BLOC1S3: variants seen among roughly 807,000 people sequenced by gnomAD.
The protein encoded by BLOC1S3 is biogenesis of lysosomal organelles complex 1 subunit 3, also known as biogenesis of lysosome-related organelles complex 1 subunit 3.
BLOC1S3 carries 7 observed loss-of-function variants against 9.1 expected under a neutral mutation model. That is an observed-to-expected ratio of 0.77 (90% CI 0.44 to 1.45). BLOC1S3 has a LOEUF of 1.45. BLOC1S3 is among the 40% of genes most tolerant of loss of function. The probability of loss-of-function intolerance (pLI) is 0.01; values close to 1 mark genes in which losing one functional copy is unlikely to be tolerated. For synonymous variants in BLOC1S3, 145 were observed against 158.4 expected (o/e 0.92, Z 0.64); for missense variants, 307 against 315.2 (o/e 0.97, Z 0.20).
At position 45,180,148 on chromosome 19, in the gene BLOC1S3, C is replaced by A; in HGVS notation, c.*243C>A. On this transcript the variant is annotated 3_prime_UTR_variant, in exon 2 of 2. Coordinates refer to ENST00000433642, the MANE Select transcript of BLOC1S3 (RefSeq NM_212550.5). ...TCCTCTCCCGATCCTGACCCTGCCGCCTGGTTCTGAGCCTTCCCCTGGGGC... is the reference window on the plus strand; with the variant it reads ...TCCTCTCCCGATCCTGACCCTGCCGACTGGTTCTGAGCCTTCCCCTGGGGC... 1 of 450,624 alleles carries A rather than the reference C, an allele frequency of 2.2e-6. No homozygotes were observed. Among genetic ancestry groups the A allele is most frequent in the South Asian group, 4.8e-5 (1 of 21,014 alleles). The allele number at this position is 450,624 out of a possible 1,614,324, so 27.9% of individuals were successfully genotyped here. A position where few individuals can be genotyped will look rare whatever the true frequency, so the allele number is the denominator to read the frequency against.
At chr19:45,206,130 C>T (rs970933135) in intron 3 of BLOC1S3, among the ~76,000 whole-genome samples, 1 of 151,954 alleles carries the variant, frequency 6.6e-6, no homozygotes, top group Non-Finnish European at 1.5e-5. Flanking sequence ...GGTGGATCAC[C>T]TGAGGTCGGC....
intron 3 of BLOC1S3, among the ~76,000 whole-genome samples, chr19:45,213,719 C>G (rs994271638): frequency 6.6e-6 from 1 of 151,610 alleles, no homozygotes; most frequent in Non-Finnish European, 1.5e-5. Flanking sequence ...CCAAGGCAGG[C>G]GGATCACCTG....
Position 45,211,510 on chromosome 19 carries a change from GAAAAA to G in BLOC1S3, n.283-5154_283-5150del, listed in dbSNP as rs576231552. 6.4e-5 allele frequency among the ~76,000 whole-genome samples: 7 copies of G among 109,564 alleles called. No homozygotes were observed. The East Asian group carries it at 1.9e-3, about 29-fold the overall frequency. 71.9% of individuals were successfully genotyped at this position (109,564 alleles called of 152,430 possible). On this transcript the variant is annotated intron_variant and non_coding_transcript_variant, in intron 3 of 3. Transcript: ENST00000591569. ...TGGGCGACAGAATGAGACTCTGACT[GAAAAA>G]AAAAAAAAAAAGAAAATGTCATTTT...
chr19:45,189,427 CTTTTT>C (rs35692205), intron 2 of BLOC1S3, among the ~76,000 whole-genome samples: 1 of 138,702 alleles, frequency 7.2e-6, no homozygotes, highest in Non-Finnish European at 1.6e-5. Flanking sequence ...AGGTAGTCTT[CTTTTT>C]TTTTTTTTTC....
rs562085964 is a variant in BLOC1S3, at chr19:45,181,251, A to G, written c.*1346A>G. ...TGATCCTGGGGTCTGGGGACTCCCC[A>G]TGGTTTCCTTCCTTCTGCAGGCCCA... On this transcript the variant is annotated 3_prime_UTR_variant, in exon 2 of 2. Transcript: ENST00000433642. 1 of 167,236 alleles carries G rather than the reference A, an allele frequency of 6.0e-6. No individual in the cohort carries two copies. The highest frequency in any genetic ancestry group is 1.9e-4 in the East Asian group (1 of 5,176). The allele number at this position is 167,236 out of a possible 1,614,324, so 10.4% of individuals were successfully genotyped here. A position where few individuals can be genotyped will look rare whatever the true frequency, so the allele number is the denominator to read the frequency against.
chr19:45,214,882 G>A (rs997957651), intron 3 of BLOC1S3, among the ~76,000 whole-genome samples: 15 of 152,020 alleles, frequency 9.9e-5, no homozygotes, highest in Non-Finnish European at 2.1e-4. Context: ...TAGGCCAAGC[G>A]CAGTGGCTCA....
At chr19:45,204,198 T>C (rs1047243767) in intron 3 of BLOC1S3, among the ~76,000 whole-genome samples, 1 of 150,468 alleles carries the variant, frequency 6.6e-6, no homozygotes, top group Non-Finnish European at 1.5e-5. Flanking sequence ...TTTTTTTTTT[T>C]TTTTTCTGAG....
At chr19:45,191,976 G>A (rs562035877) in intron 2 of BLOC1S3, among the ~76,000 whole-genome samples, 2 of 152,314 alleles carry the variant, frequency 1.3e-5, no homozygotes, top group Admixed American at 1.3e-4. Context: ...AGGAGCAGAC[G>A]GCAAATCCAG....
chr19:45,215,481 GA>G (rs751130338), intron 3 of BLOC1S3, among the ~76,000 whole-genome samples: 2 of 151,664 alleles, frequency 1.3e-5, no homozygotes, highest in African/African-American at 4.8e-5. Flanking sequence ...AAAAAAAAAA[GA>G]AAAAAAGTTG....
Position 45,179,705 on chromosome 19 carries a change from C to T in BLOC1S3, c.409C>T (p.Arg137Cys). The T allele has an allele frequency of 6.9e-7, 1 of 1,459,352 alleles. No homozygotes were observed. Among genetic ancestry groups the T allele is most frequent in the South Asian group, 1.3e-5 (1 of 75,296 alleles). 90.4% of individuals were successfully genotyped at this position (1,459,352 alleles called of 1,614,324 possible). Residue 137 changes from arginine (R) to cysteine (C), a missense_variant, in exon 2 of 2, where the codon CGC becomes TGC. Coordinates refer to ENST00000433642, the MANE Select transcript of BLOC1S3 (RefSeq NM_212550.5). The surrounding 1 kb of genome is among the most constrained non-coding windows in gnomAD (Gnocchi z 4.6). ...AVSGVYRRAGRDVAALASRLA... is the reference protein window; with the variant it reads ...AVSGVYRRAGCDVAALASRLA... The stretch of plus-strand genomic sequence containing the variant: ...GAGCGGTGTCTACCGCCGTGCAGGC[C>T]GCGACGTGGCCGCCCTGGCTAGTAG...
At chr19:45,192,522 T>G (rs142392232) in intron 2 of BLOC1S3, among the ~76,000 whole-genome samples, 1 of 152,182 alleles carries the variant, frequency 6.6e-6, no homozygotes. Flanking sequence ...CGTCAGGGAA[T>G]ATGCTGGGTC....
At chr19:45,207,972 A>G (rs1044909183) in intron 3 of BLOC1S3, among the ~76,000 whole-genome samples, 5 of 151,138 alleles carry the variant, frequency 3.3e-5, no homozygotes, top group African/African-American at 1.2e-4. Context: ...CAAGACCACC[A>G]TGTACTTTTT....
chr19:45,198,004 A>G (rs10406257), intron 2 of BLOC1S3, among the ~76,000 whole-genome samples: 95,391 of 151,714 alleles, frequency 0.63, 30,363 homozygotes, highest in African/African-American at 0.67. Context: ...TCTGCATCTG[A>G]TGTTGAGCCC....
Position 45,190,557 on chromosome 19 carries a change from G to A in BLOC1S3, n.180+2817G>A, listed in dbSNP as rs114644465. 9.5e-3 allele frequency among the ~76,000 whole-genome samples: 1,349 copies of A among 141,916 alleles called. 22 individuals carry two copies. The highest frequency in any genetic ancestry group is 0.032 in the African/African-American group (1,289 of 40,508). 93.1% of individuals were successfully genotyped at this position (141,916 alleles called of 152,430 possible). On this transcript the variant is annotated intron_variant and non_coding_transcript_variant, in intron 2 of 3. Coordinates refer to the BLOC1S3 transcript ENST00000591569. ...TGGGACCACAGGTGCACACTACCATGCCTGGCCAATTTTTGTATTTTTTTT... is the reference window on the plus strand; with the variant it reads ...TGGGACCACAGGTGCACACTACCATACCTGGCCAATTTTTGTATTTTTTTT...
chr19:45,215,049 G>A (rs779155195), intron 3 of BLOC1S3, among the ~76,000 whole-genome samples: 10 of 152,100 alleles, frequency 6.6e-5, no homozygotes, highest in Non-Finnish European at 1.5e-4. Flanking sequence ...GGGAGGCTGA[G>A]GCACAATAAT....
intron 2 of BLOC1S3, among the ~76,000 whole-genome samples, chr19:45,191,462 TG>T (rs1399483361): frequency 2.0e-5 from 3 of 152,212 alleles, no homozygotes. Flanking sequence ...TTTTCCTGGA[TG>T]GTTTTGTTAC....
chr19:45,187,197 G>C (rs963283455), upstream of BLOC1S3: 2 of 152,394 alleles, frequency 1.3e-5, no homozygotes, highest in African/African-American at 4.8e-5. Context: ...CCAGCCAAGA[G>C]CAGAATCTAG....
intron 3 of BLOC1S3, among the ~76,000 whole-genome samples, chr19:45,207,579 A>C (rs867673819): frequency 2.3e-4 from 34 of 148,924 alleles, no homozygotes; most frequent in South Asian, 4.3e-4. Flanking sequence ...AAAAAAAAAA[A>C]AAAAAAACCT....
At chr19:45,195,586 T>TCTCCCTTC (rs1969642171) in intron 2 of BLOC1S3, among the ~76,000 whole-genome samples, 2 of 44,816 alleles carry the variant, frequency 4.5e-5, no homozygotes, top group African/African-American at 7.7e-5. Context: ...TCCCTCCCTC[T>TCTCCCTTC]CTCCCTTCCT....
Sources: allele counts gnomAD v4.1 joint callset (sites outside exome capture counted in the v4.1 genomes callset), GRCh38; gene constraint gnomAD v4.1.1; non-coding constraint Gnocchi (gnomAD v3.1); transcripts MANE v1.5; gene names NCBI Gene and HGNC (gene_info 2026-07-23, HGNC 2026-07-21).